SPDEF: variants seen among roughly 807,000 people sequenced by gnomAD.
SPDEF encodes the protein SAM pointed domain containing ETS transcription factor.
SPDEF carries 12 observed loss-of-function variants against 36.0 expected under a neutral mutation model. The ratio of observed to expected loss-of-function variants is 0.33; its 90% confidence interval spans 0.21 to 0.54. The LOEUF (loss-of-function observed/expected upper bound fraction) is 0.54. Among genes scored for constraint, SPDEF ranks in the 20% least tolerant of loss-of-function variants. The probability of loss-of-function intolerance (pLI) is 0.93; values close to 1 mark genes in which losing one functional copy is unlikely to be tolerated. For missense variants in SPDEF, 388 were observed against 456.9 expected (o/e 0.85, Z 1.37); for synonymous variants, 205 against 193.0 (o/e 1.06, Z -0.51).
At chr6:34,548,104 G>A (rs888346792) in intron 1 of SPDEF, among the ~76,000 whole-genome samples, 9 of 152,194 alleles carry the variant, frequency 5.9e-5, no homozygotes, top group African/African-American at 2.2e-4. Context: ...CTGGCAGTGA[G>A]CACCAGTGCC....
Position 34,539,392 on chromosome 6 carries a change from C to A in SPDEF, c.687G>T (p.Ser229=). The change falls in exon 5 of 6, where the codon TCG becomes TCT. Residue 229 remains serine, a synonymous_variant. Transcript: ENST00000374037. The surrounding 1 kb of genome is among the most constrained non-coding windows in gnomAD (Gnocchi z 5.2). ...TGTCGGTCCAGCTCTCCTCACTGGT[C>A]GAGGCTGGGTGGCCAGGGAGGGTGG... ...TSPGAIHYCA[S]TSEESWTDSE... 1 of 1,613,524 alleles carries A rather than the reference C, an allele frequency of 6.2e-7. No homozygotes were observed. The highest frequency in any genetic ancestry group is 8.5e-7 in the Non-Finnish European group (1 of 1,179,990).
intron 2 of SPDEF, 143 bp from the exon 3 acceptor site, chr6:34,541,324 C>T (rs112447566): frequency 5.2e-4 from 405 of 782,110 alleles, no homozygotes; most frequent in Non-Finnish European, 7.5e-4. Context: ...CCCTGAGGGC[C>T]CCTGTGGAAG....
chr6:34,539,135 T>TGGG lies in SPDEF; in HGVS notation c.829+112_829+114dup. ...GCATATTTGGCATCTAGGACAAAGG[T>TGGG]GGGGATCAGCTTCACCCCTCTGCCC... On this transcript the variant is annotated intron_variant, in intron 5 of 5. Coordinates refer to ENST00000374037, the MANE Select transcript of SPDEF (RefSeq NM_012391.3). The surrounding 1 kb of genome is among the most constrained non-coding windows in gnomAD (Gnocchi z 5.2). 3 of 1,235,424 alleles carry TGGG rather than the reference T, an allele frequency of 2.4e-6. No individual in the cohort carries two copies. The highest frequency in any genetic ancestry group is 3.4e-6 in the Non-Finnish European group (3 of 878,186). 76.5% of individuals were successfully genotyped at this position (1,235,424 alleles called of 1,614,324 possible). A position where few individuals can be genotyped will look rare whatever the true frequency, so the allele number is the denominator to read the frequency against.
At position 34,538,261 on chromosome 6, in the gene SPDEF, C is replaced by T; in HGVS notation, c.*13G>A. ...GGCCCCTGAGGGCGGGTTTCAGGCC[C>T]TGGGCCAGGCACTCAGATGGGGTGC... On this transcript the variant is annotated 3_prime_UTR_variant, in exon 6 of 6. Transcript: ENST00000374037. The surrounding 1 kb of genome is among the most constrained non-coding windows in gnomAD (Gnocchi z 5.9). The T allele has an allele frequency of 1.9e-6, 3 of 1,610,552 alleles. No individual in the cohort carries two copies. Among genetic ancestry groups the T allele is most frequent in the East Asian group, 2.2e-5 (1 of 44,832 alleles).
chr6:34,542,886 C>CAAAAA (rs758431726), intron 2 of SPDEF, among the ~76,000 whole-genome samples: 11 of 53,544 alleles, frequency 2.1e-4, no homozygotes, highest in Admixed American at 6.4e-4. Flanking sequence ...GAGACCCTGT[C>CAAAAA]AAAAAAAAAA....
At position 34,539,686 on chromosome 6, in the gene SPDEF, T is replaced by G. The variant is rs1767777996; in HGVS notation, c.635-124A>C. The stretch of plus-strand genomic sequence containing the variant: ...TGTGGCTGGGGGTTGCCCCTGTGGC[T>G]CCCTGCCTCCTGCCAACCTGGGGAG... On this transcript the variant is annotated intron_variant, in intron 3 of 5. Coordinates refer to ENST00000374037, the MANE Select transcript of SPDEF (RefSeq NM_012391.3). The surrounding 1 kb of genome is among the most constrained non-coding windows in gnomAD (Gnocchi z 5.2). 4 of 1,118,376 alleles carry G rather than the reference T, an allele frequency of 3.6e-6. No individual in the cohort carries two copies. Among genetic ancestry groups the G allele is most frequent in the East Asian group, 5.2e-5 (2 of 38,738 alleles). 69.3% of individuals were successfully genotyped at this position (1,118,376 alleles called of 1,614,324 possible).
At chr6:34,541,439 C>T (rs1445652677) in intron 2 of SPDEF, among the ~76,000 whole-genome samples, 2 of 152,158 alleles carry the variant, frequency 1.3e-5, no homozygotes, top group Non-Finnish European at 2.9e-5. Flanking sequence ...GCCCGCCTCA[C>T]CCAGGCCTTG....
chr6:34,549,649 G>A (rs1314552226), intron 1 of SPDEF, among the ~76,000 whole-genome samples: 5 of 152,150 alleles, frequency 3.3e-5, no homozygotes, highest in Non-Finnish European at 7.3e-5. Flanking sequence ...GCTTGGTCCC[G>A]GCTCTCAGGC....
intron 1 of SPDEF, among the ~76,000 whole-genome samples, chr6:34,545,500 G>A (rs1767932324): frequency 6.6e-6 from 1 of 152,270 alleles, no homozygotes; most frequent in South Asian, 2.1e-4. Flanking sequence ...CCTTTTCCCT[G>A]AAACCAATAG....
At position 34,544,320 on chromosome 6, in the gene SPDEF, T is replaced by C. The variant is rs770174828; in HGVS notation, c.136A>G (p.Ser46Gly). ...CCCTGCTCGGGCGTGGCGGGTGGAC[T>C]GGGACTCCAGTCCCGTCTCTCGAGA... ...VGLERRDWSP[S>G]PPATPEQGLS... is the part of the protein sequence containing the mutation. Residue 46 changes from serine to glycine, a missense_variant, in exon 2 of 6, where the codon AGT becomes GGT. Physicochemically the swap from Ser to Gly is moderately conservative, Grantham distance 56 (BLOSUM62 0). This residue lies in a region of SPDEF where 308 missense variants were observed against 326.1 expected (regional missense o/e 0.94). Coordinates refer to ENST00000374037, the MANE Select transcript of SPDEF (RefSeq NM_012391.3). The surrounding 1 kb of genome is among the most constrained non-coding windows in gnomAD (Gnocchi z 4.4). 8 of 1,609,150 alleles carry C rather than the reference T, an allele frequency of 5.0e-6. No homozygotes were observed. In the African/African-American group the frequency reaches 1.1e-4, roughly 21 times the overall value.
At chr6:34,547,912 C>T (rs1005329137) in intron 1 of SPDEF, among the ~76,000 whole-genome samples, 11 of 152,162 alleles carry the variant, frequency 7.2e-5, no homozygotes, top group African/African-American at 2.4e-4. Context: ...AGGAAAGGTT[C>T]GACTCTCTGC....
intron 1 of SPDEF, among the ~76,000 whole-genome samples, chr6:34,550,266 C>T (rs1385231500): frequency 6.6e-6 from 1 of 152,200 alleles, no homozygotes; most frequent in East Asian, 1.9e-4. Flanking sequence ...TGCAACCTCA[C>T]CCTTCAAACT....
At chr6:34,540,726 C>T in intron 3 of SPDEF, among the ~76,000 whole-genome samples, 1 of 152,232 alleles carries the variant, frequency 6.6e-6, no homozygotes, top group East Asian at 1.9e-4. Context: ...ATCCTGCATC[C>T]TCACAGTCTG....
intron 3 of SPDEF, 45 bp downstream of exon 3, chr6:34,540,939 G>T: frequency 6.3e-7 from 1 of 1,576,416 alleles, no homozygotes; most frequent in Non-Finnish European, 8.6e-7. Flanking sequence ...CCTGTCCCTG[G>T]CTTGGAGCCT....
intron 1 of SPDEF, among the ~76,000 whole-genome samples, chr6:34,553,381 C>T (rs1223830191): frequency 2.0e-5 from 3 of 151,924 alleles, no homozygotes; most frequent in Non-Finnish European, 4.4e-5. Flanking sequence ...ACCTGACAGG[C>T]CACTCGCTTG....
chr6:34,540,906 G>C, intron 3 of SPDEF, 78 bp downstream of exon 3: 2 of 1,392,088 alleles, frequency 1.4e-6, no homozygotes, highest in Non-Finnish European at 2.0e-6. Flanking sequence ...TGCCCTAGCA[G>C]AGGGCAACCT....
At chr6:34,542,098 A>T (rs1767834141) in intron 2 of SPDEF, among the ~76,000 whole-genome samples, 1 of 152,130 alleles carries the variant, frequency 6.6e-6, no homozygotes, top group Non-Finnish European at 1.5e-5. Context: ...TCTGTGGGAG[A>T]ACTCCTGGAG....
chr6:34,550,849 C>T (rs1034125049), intron 1 of SPDEF, among the ~76,000 whole-genome samples: 3 of 152,224 alleles, frequency 2.0e-5, no homozygotes, highest in Non-Finnish European at 2.9e-5. Flanking sequence ...AGTGGTTTTT[C>T]TCTTCCCACA....
Position 34,544,080 on chromosome 6 carries a change from C to G in SPDEF, c.376G>C (p.Val126Leu), listed in dbSNP as rs1767888830. The change falls in exon 2 of 6, where the codon GTG becomes CTG. Residue 126 changes from valine to leucine, a missense_variant. Physicochemically the swap from Val to Leu is conservative, Grantham distance 32. Coordinates refer to ENST00000374037, the MANE Select transcript of SPDEF (RefSeq NM_012391.3). This position sits in a 1 kb window ranked among gnomAD's most constrained non-coding sequence, Gnocchi z 4.4. ...EHSLEQVQSMVVGEVLKDIET... is the reference protein window; with the variant it reads ...EHSLEQVQSMLVGEVLKDIET... ...ATGTCCTTGAGCACTTCGCCCACCA[C>G]CATGGACTGCACCTGCTCCAGCGAG... 6.2e-7 allele frequency: 1 copy of G among 1,613,488 alleles called. No individual in the cohort carries two copies. The highest frequency in any genetic ancestry group is 1.1e-5 in the South Asian group (1 of 91,054).
Sources: gnomAD v4.1 joint callset for allele counts (sites outside exome capture counted in the v4.1 genomes callset) on GRCh38, gnomAD v4.1.1 for gene constraint, gnomAD v4.1.1 regional missense constraint, Gnocchi (gnomAD v3.1) non-coding constraint, MANE v1.5 for transcripts, NCBI Gene and HGNC (gene_info 2026-07-23, HGNC 2026-07-21) for gene names.